The following HHAT variants were observed in gnomAD, a reference collection of about 807,000 sequenced individuals.
HHAT encodes hedgehog acyltransferase.
Under a neutral mutation model 70.8 loss-of-function variants are expected in HHAT, and 47 were observed. The ratio of observed to expected loss-of-function variants is 0.66; its 90% CI spans 0.53 to 0.85. The LOEUF is 0.85. HHAT is among the 40% of genes least tolerant of loss of function. The pLI is 0.00. For synonymous variants in HHAT, 228 were observed against 247.6 expected (o/e 0.92, Z 0.74); for missense variants, 609 against 604.8 (o/e 1.01, Z -0.07).
rs557401805 is a variant in HHAT at position 210,426,085 on chromosome 1, A to G, written c.856+7760A>G. Among the ~76,000 whole-genome samples the G allele has an allele frequency of 1.2e-4, 19 of 152,094 alleles. No homozygotes were observed. In the South Asian group the frequency reaches 3.9e-3, roughly 32 times the overall value. ...TCCCTAGTTAGCTGCATTGCTAGGTATTTTATTCCTTTTGTGGCAGTTGTG... is the reference window on the plus strand; with the variant it reads ...TCCCTAGTTAGCTGCATTGCTAGGTGTTTTATTCCTTTTGTGGCAGTTGTG... On this transcript the variant is annotated intron_variant, in intron 7 of 11. Transcript: ENST00000261458.
At chr1:210,329,374 T>G (rs971346909) in intron 1 of HHAT, 10 of 1,169,356 alleles carry the variant, frequency 8.6e-6, no homozygotes, top group Non-Finnish European at 1.1e-6. Context: ...TCCTCTCTCC[T>G]TGGCTTCGTC....
chr1:210,448,473 A>C (rs539887175), intron 7 of HHAT, among the ~76,000 whole-genome samples: 2 of 152,190 alleles, frequency 1.3e-5, no homozygotes, highest in Admixed American at 1.3e-4. Flanking sequence ...ACATACTAGA[A>C]GGGGCCAGGA....
intron 9 of HHAT, among the ~76,000 whole-genome samples, chr1:210,542,531 C>T (rs2095441629): frequency 6.6e-6 from 1 of 151,572 alleles, no homozygotes; most frequent in African/African-American, 2.4e-5. Flanking sequence ...GATGCAGTGG[C>T]TTGCCCCTGT....
At chr1:210,355,498 A>G (rs980267219) in intron 2 of HHAT, among the ~76,000 whole-genome samples, 9 of 152,222 alleles carry the variant, frequency 5.9e-5, no homozygotes, top group African/African-American at 2.2e-4. Context: ...TATTGATACT[A>G]TATTTTAAAG....
intron 3 of HHAT, among the ~76,000 whole-genome samples, chr1:210,366,723 T>C (rs1051047715): frequency 6.6e-6 from 1 of 152,224 alleles, no homozygotes; most frequent in Non-Finnish European, 1.5e-5. Context: ...GCAGCTGGTC[T>C]ATAGCAATAT....
intron 8 of HHAT, among the ~76,000 whole-genome samples, chr1:210,479,791 A>T (rs998117465): frequency 3.3e-5 from 5 of 152,236 alleles, no homozygotes; most frequent in African/African-American, 1.2e-4. Context: ...TCACTTTGAC[A>T]TAAAGTTGTT....
At chr1:210,651,622 C>T (rs904286905) in intron 11 of HHAT, among the ~76,000 whole-genome samples, 9 of 152,138 alleles carry the variant, frequency 5.9e-5, no homozygotes, top group East Asian at 1.9e-4. Flanking sequence ...TTGAGAGTGT[C>T]GGTAGAAGCT....
At position 210,519,192 on chromosome 1, in the gene HHAT, A is replaced by C. The variant is rs552587955; in HGVS notation, c.1043+6004A>C. On this transcript the variant is annotated intron_variant, in intron 9 of 11. Transcript: ENST00000261458. ...TAGTTGGGTATGACAAGAGTGACCC[A>C]ATTTGTATAATTAACTTTCACAGTG... 2.1e-3 allele frequency among the ~76,000 whole-genome samples: 327 copies of C among 152,256 alleles called. 1 individual carries two copies. Among genetic ancestry groups the C allele is most frequent in the South Asian group, 0.011 (51 of 4,820 alleles).
chr1:210,534,363 G>A (rs1326726271), intron 9 of HHAT, among the ~76,000 whole-genome samples: 1 of 152,136 alleles, frequency 6.6e-6, no homozygotes, highest in East Asian at 1.9e-4. Context: ...ACTACACGGT[G>A]TAAAGATTTA....
At chr1:210,387,642 G>A (rs1012174998) in intron 4 of HHAT, 61 bp downstream of exon 4, 1 of 1,322,002 alleles carries the variant, frequency 7.6e-7, no homozygotes. Flanking sequence ...TGTGAAGAAA[G>A]AGTCCAAGCT....
chr1:210,592,830 T>G (rs1358429229), intron 10 of HHAT, among the ~76,000 whole-genome samples: 1 of 152,048 alleles, frequency 6.6e-6, no homozygotes, highest in Non-Finnish European at 1.5e-5. Context: ...TCTCTTAGTC[T>G]GGCTAAAGGC....
chr1:210,647,809 CTG>C (rs1674378544), intron 11 of HHAT, among the ~76,000 whole-genome samples: 1 of 152,222 alleles, frequency 6.6e-6, no homozygotes, highest in Non-Finnish European at 1.5e-5. Flanking sequence ...TTCCTTTAAT[CTG>C]TGTAAAATCA....
intron 10 of HHAT, among the ~76,000 whole-genome samples, chr1:210,622,354 C>G (rs529005485): frequency 5.3e-5 from 8 of 152,314 alleles, no homozygotes; most frequent in African/African-American, 1.9e-4. Flanking sequence ...CCCTGGGCCC[C>G]TGCATGTCCC....
At chr1:210,483,754 G>C (rs2094433435) in intron 8 of HHAT, among the ~76,000 whole-genome samples, 1 of 152,168 alleles carries the variant, frequency 6.6e-6, no homozygotes, top group African/African-American at 2.4e-5. Flanking sequence ...TATATGGACT[G>C]TTTATCTCCT....
chr1:210,655,972 C>T (rs1449786221), intron 11 of HHAT, among the ~76,000 whole-genome samples: 2 of 152,164 alleles, frequency 1.3e-5, no homozygotes, highest in East Asian at 3.9e-4. Context: ...CTCTCGGAGG[C>T]AGATATCTGC....
intron 7 of HHAT, among the ~76,000 whole-genome samples, chr1:210,464,021 A>G (rs911729837): frequency 6.6e-6 from 1 of 152,222 alleles, no homozygotes; most frequent in Non-Finnish European, 1.5e-5. Flanking sequence ...GGTATCTGAT[A>G]CCTCAAGCGT....
chr1:210,563,594 G>A (rs1467853272), intron 9 of HHAT, among the ~76,000 whole-genome samples: 1 of 152,166 alleles, frequency 6.6e-6, no homozygotes, highest in Non-Finnish European at 1.5e-5. Flanking sequence ...AGGGAGTTGG[G>A]AACCACTTCT....
At chr1:210,584,482 G>GGCA (rs1394712364) in intron 9 of HHAT, among the ~76,000 whole-genome samples, 1 of 152,148 alleles carries the variant, frequency 6.6e-6, no homozygotes, top group Admixed American at 6.5e-5. Flanking sequence ...GCAGGTAGGA[G>GGCA]GCAGTGAATT....
At chr1:210,540,063 G>A (rs889032732) in intron 9 of HHAT, among the ~76,000 whole-genome samples, 5 of 152,168 alleles carry the variant, frequency 3.3e-5, no homozygotes, top group Non-Finnish European at 7.3e-5. Context: ...CCTAATTTCT[G>A]CCTAAAGTCC....
Sources: allele counts gnomAD v4.1 joint callset (sites outside exome capture counted in the v4.1 genomes callset), GRCh38; gene constraint gnomAD v4.1.1; transcripts MANE v1.5; gene names NCBI Gene and HGNC (gene_info 2026-07-23, HGNC 2026-07-21).